The following ADAMTSL3 variants were observed in gnomAD, a reference collection of about 807,000 sequenced individuals.
ADAMTSL3 encodes ADAMTS like 3.
In ADAMTSL3, 128 loss-of-function variants were observed where a neutral mutation model predicts 201.7. The observed-to-expected ratio is 0.63, with a 90% CI of 0.55 to 0.73. ADAMTSL3 has a LOEUF of 0.73. Ranked by LOEUF, ADAMTSL3 falls within the 30% of genes least tolerant of loss-of-function variation. ADAMTSL3 has a pLI of 0.00. For missense variants in ADAMTSL3, 1,990 were observed against 2,119.6 expected (o/e 0.94, Z 1.20); for synonymous variants, 738 against 748.4 (o/e 0.99, Z 0.23).
chr15:83,713,114 C>T lies in ADAMTSL3; in HGVS notation c.189+8606C>T, dbSNP rs548529492. Among the ~76,000 whole-genome samples, 8 of 152,228 alleles carry T rather than the reference C, an allele frequency of 5.3e-5. No individual in the cohort carries two copies. In the East Asian group the frequency reaches 1.4e-3, roughly 26 times the overall value. ...TCCCTCACCTTCTATGCATGATTTT[C>T]CTGGCCCACTAGCCTAGTGGAACTT... On this transcript the variant is annotated intron_variant, in intron 3 of 29. Transcript: ENST00000286744.
In ADAMTSL3 at chr15:83,917,453, A is replaced by ATGTATGTATATG. The variant is rs1421640011; in HGVS notation, c.1987+4080_1987+4081insGTATATGTGTAT. 1.5e-4 allele frequency among the ~76,000 whole-genome samples: 23 copies of ATGTATGTATATG among 152,140 alleles called. 1 individual carries two copies. In the South Asian group the frequency reaches 4.4e-3, roughly 29 times the overall value. On this transcript the variant is annotated intron_variant, in intron 16 of 29. Coordinates refer to ENST00000286744, the MANE Select transcript of ADAMTSL3 (RefSeq NM_207517.3). ...TATGTATGTATGTATGTATGTATGT[A>ATGTATGTATATG]TGTATATGTATGTATGCATGTACTC...
At chr15:83,763,022 G>A (rs998075703) in intron 3 of ADAMTSL3, among the ~76,000 whole-genome samples, 1 of 152,210 alleles carries the variant, frequency 6.6e-6, no homozygotes, top group Non-Finnish European at 1.5e-5. Flanking sequence ...GAGTAACTGG[G>A]ACTACAAGTG....
chr15:84,031,787 A>G (rs1312475616), intron 28 of ADAMTSL3, among the ~76,000 whole-genome samples: 1 of 152,208 alleles, frequency 6.6e-6, no homozygotes, highest in African/African-American at 2.4e-5. Context: ...AATCTTCTTA[A>G]TGCTTTTAAT....
At chr15:84,011,699 CA>C (rs1460008772) in intron 23 of ADAMTSL3, among the ~76,000 whole-genome samples, 1 of 152,054 alleles carries the variant, frequency 6.6e-6, no homozygotes, top group African/African-American at 2.4e-5. Flanking sequence ...CCTTAAAAAA[CA>C]AGAAAATCAA....
chr15:84,038,085 A>C lies in ADAMTSL3; in HGVS notation c.*279A>C. The C allele has an allele frequency of 2.6e-6, 1 of 382,348 alleles. No individual in the cohort carries two copies. The highest frequency in any genetic ancestry group is 4.7e-6 in the Non-Finnish European group (1 of 215,014). 23.7% of individuals were successfully genotyped at this position (382,348 alleles called of 1,614,324 possible). A position where few individuals can be genotyped will look rare whatever the true frequency, so the allele number is the denominator to read the frequency against. ...ACCTCATCATGTCAGTTGAATCGAG[A>C]AATCACCAAGATTATGAGTGCATCC... On this transcript the variant is annotated 3_prime_UTR_variant, in exon 30 of 30. Transcript: ENST00000286744.
intron 23 of ADAMTSL3, among the ~76,000 whole-genome samples, chr15:84,010,896 A>G (rs1229133884): frequency 1.3e-5 from 2 of 152,166 alleles, no homozygotes; most frequent in Non-Finnish European, 2.9e-5. Context: ...CCTTGCAGGT[A>G]TCTTCCCTTT....
chr15:83,752,502 CAT>C (rs1183674835), intron 3 of ADAMTSL3, among the ~76,000 whole-genome samples: 8 of 152,318 alleles, frequency 5.3e-5, no homozygotes, highest in East Asian at 1.9e-4. Flanking sequence ...CACACACACA[CAT>C]ACATACACGC....
At chr15:83,838,365 T>C in intron 7 of ADAMTSL3, 150 bp downstream of exon 7, 2 of 1,117,520 alleles carry the variant, frequency 1.8e-6, no homozygotes, top group African/African-American at 3.3e-5. Flanking sequence ...TTCCAAGAAG[T>C]GTGTATCAAA....
intron 23 of ADAMTSL3, among the ~76,000 whole-genome samples, chr15:84,001,234 C>T (rs2067787177): frequency 6.6e-6 from 1 of 152,082 alleles, no homozygotes; most frequent in African/African-American, 2.4e-5. Flanking sequence ...ACACAGGTGT[C>T]CCGAGGCTAG....
chr15:83,885,787 A>G (rs986731120), intron 10 of ADAMTSL3, among the ~76,000 whole-genome samples: 1 of 151,776 alleles, frequency 6.6e-6, no homozygotes, highest in African/African-American at 2.4e-5. Context: ...TGCCGTGGCC[A>G]AATCTCGGCT....
At chr15:83,838,549 T>A (rs62025786) in intron 7 of ADAMTSL3, among the ~76,000 whole-genome samples, 83 of 152,382 alleles carry the variant, frequency 5.4e-4, no homozygotes, top group Non-Finnish European at 1.0e-3. Context: ...TATTGTCATG[T>A]ATCTATTGAC....
intron 6 of ADAMTSL3, among the ~76,000 whole-genome samples, chr15:83,837,083 C>T (rs1273621886): frequency 1.3e-5 from 2 of 151,910 alleles, no homozygotes; most frequent in Non-Finnish European, 2.9e-5. Context: ...CACATATGTA[C>T]ACATGAAAAA....
At position 83,982,581 on chromosome 15, in the gene ADAMTSL3, G is replaced by C. The variant is rs990498948; in HGVS notation, c.2953G>C (p.Gly985Arg). 6.2e-7 allele frequency: 1 copy of C among 1,614,174 alleles called. No individual in the cohort carries two copies. Among genetic ancestry groups the C allele is most frequent in the East Asian group, 2.2e-5 (1 of 44,892 alleles). Residue 985 changes from glycine to arginine, a missense_variant, in exon 21 of 30, where the codon GGC becomes CGC. Coordinates refer to ENST00000286744, the MANE Select transcript of ADAMTSL3 (RefSeq NM_207517.3). ...CATCGGCGTGTACCGGTGCATTGCA[G>C]GCTCTGCACAGGAAACAGTTGTGCT... ...PDIGVYRCIA[G>R]SAQETVVLKL...
chr15:83,939,131 A>G (rs1451391784), intron 17 of ADAMTSL3, among the ~76,000 whole-genome samples: 5 of 152,238 alleles, frequency 3.3e-5, no homozygotes, highest in Non-Finnish European at 7.3e-5. Context: ...GAATAAACCC[A>G]GATTGGTCAC....
At chr15:83,764,647 C>G (rs1229205767) in intron 3 of ADAMTSL3, among the ~76,000 whole-genome samples, 1 of 152,100 alleles carries the variant, frequency 6.6e-6, no homozygotes, top group African/African-American at 2.4e-5. Flanking sequence ...CCCCATCTAG[C>G]GTGCAGGGCC....
At chr15:83,829,252 T>A (rs2064097094) in intron 6 of ADAMTSL3, among the ~76,000 whole-genome samples, 1 of 152,234 alleles carries the variant, frequency 6.6e-6, no homozygotes, top group African/African-American at 2.4e-5. Context: ...GGTTTAGTCT[T>A]GGGAGGGTGT....
At chr15:83,714,643 C>G (rs1478531601) in intron 3 of ADAMTSL3, among the ~76,000 whole-genome samples, 1 of 151,780 alleles carries the variant, frequency 6.6e-6, no homozygotes, top group Non-Finnish European at 1.5e-5. Context: ...TCCTGCTTTC[C>G]TTTCTTTCTC....
At chr15:83,764,581 C>T (rs531202664) in intron 3 of ADAMTSL3, among the ~76,000 whole-genome samples, 1 of 151,242 alleles carries the variant, frequency 6.6e-6, no homozygotes, top group South Asian at 2.1e-4. Flanking sequence ...GATTCTCAAC[C>T]GAAGGCCTTA....
At chr15:83,837,086 A>C (rs1462613440) in intron 6 of ADAMTSL3, among the ~76,000 whole-genome samples, 2 of 152,194 alleles carry the variant, frequency 1.3e-5, no homozygotes, top group Non-Finnish European at 2.9e-5. Context: ...ATATGTACAC[A>C]TGAAAAATGA....
Sources: allele counts gnomAD v4.1 joint callset (sites outside exome capture counted in the v4.1 genomes callset), GRCh38; gene constraint gnomAD v4.1.1; transcripts MANE v1.5; gene names NCBI Gene and HGNC (gene_info 2026-07-23, HGNC 2026-07-21).